The following EYS variants were observed in gnomAD, a reference collection of about 807,000 sequenced individuals.
The protein encoded by EYS is EGF-like photoreceptor maintenance factor, also known as protein eyes shut homolog.
Under a neutral mutation model 282.1 loss-of-function variants are expected in EYS, and 250 were observed. That is an observed-to-expected ratio of 0.89 (90% CI 0.80 to 0.98). The LOEUF (loss-of-function observed/expected upper bound fraction) is 0.98, where lower values mean the gene tolerates loss of function less well. EYS is among the 50% of genes least tolerant of loss of function. The pLI is 0.00. For missense variants in EYS, 4,016 were observed against 3,709.0 expected, an observed-to-expected ratio of 1.08 and a Z score of -2.15; for synonymous variants, 1,355 against 1,282.9, an observed-to-expected ratio of 1.06 and a Z score of -1.20.
intron 31 of EYS, among the ~76,000 whole-genome samples, chr6:64,229,110 A>T (rs909761284): frequency 6.6e-6 from 1 of 152,138 alleles, no homozygotes; most frequent in African/African-American, 2.4e-5. Context: ...TCCTGTCTCT[A>T]CTAAAAATAC....
At chr6:64,079,640 G>A (rs1434621116) in intron 32 of EYS, among the ~76,000 whole-genome samples, 1 of 151,994 alleles carries the variant, frequency 6.6e-6, no homozygotes, top group Non-Finnish European at 1.5e-5. Context: ...TGTTACATAT[G>A]TATACATGTG....
intron 12 of EYS, among the ~76,000 whole-genome samples, chr6:65,254,863 T>C (rs911251642): frequency 2.0e-5 from 3 of 151,936 alleles, no homozygotes; most frequent in Non-Finnish European, 2.9e-5. Flanking sequence ...AGTATTAATA[T>C]GGCTCCATTT....
intron 30 of EYS, among the ~76,000 whole-genome samples, chr6:64,255,454 C>A (rs1645292201): frequency 6.6e-6 from 1 of 151,912 alleles, no homozygotes; most frequent in South Asian, 2.1e-4. Context: ...TTGTAAATAT[C>A]ATGAGCTACT....
chr6:65,000,026 T>C (rs991177051), intron 13 of EYS, among the ~76,000 whole-genome samples: 2 of 152,180 alleles, frequency 1.3e-5, no homozygotes, highest in Non-Finnish European at 2.9e-5. Context: ...GAGGGTCTAA[T>C]TGAGCTGGTT....
chr6:64,119,915 CT>C (rs1773519650), intron 31 of EYS, among the ~76,000 whole-genome samples: 1 of 152,110 alleles, frequency 6.6e-6, no homozygotes, highest in Admixed American at 6.5e-5. Flanking sequence ...CCATGATTAA[CT>C]TTTTTATGTT....
intron 26 of EYS, among the ~76,000 whole-genome samples, chr6:64,533,448 T>C (rs1346787614): frequency 1.3e-5 from 2 of 151,798 alleles, no homozygotes; most frequent in Non-Finnish European, 2.9e-5. Flanking sequence ...CCAGAAAAAA[T>C]AAAAGCAGCA....
At chr6:65,475,861 T>A (rs1261318378) in intron 5 of EYS, among the ~76,000 whole-genome samples, 1 of 152,062 alleles carries the variant, frequency 6.6e-6, no homozygotes. Flanking sequence ...ATTTATTCCA[T>A]TTTTAAAATC....
Position 64,886,681 on chromosome 6 carries a change from A to T in EYS, c.2992+16T>A, listed in dbSNP as rs1444239296. The T allele has an allele frequency of 1.3e-6, 2 of 1,529,980 alleles. No individual in the cohort carries two copies. The highest frequency in any genetic ancestry group is 8.8e-7 in the Non-Finnish European group (1 of 1,137,498). 94.8% of individuals were successfully genotyped at this position (1,529,980 alleles called of 1,614,324 possible). On this transcript the variant is annotated intron_variant, in intron 19 of 42. Transcript: ENST00000503581. ...ACAGAAATATGTTGCTGCACATGGG[A>T]CAGATATGGATTTACCTGTATAACC...
intron 2 of EYS, among the ~76,000 whole-genome samples, chr6:65,628,643 A>T (rs928019120): frequency 2.6e-5 from 4 of 151,964 alleles, no homozygotes; most frequent in Non-Finnish European, 4.4e-5. Flanking sequence ...ACAACTCCAG[A>T]CGCGCTACCT....
intron 30 of EYS, among the ~76,000 whole-genome samples, chr6:64,289,397 G>T (rs1390273046): frequency 1.3e-5 from 2 of 151,912 alleles, no homozygotes; most frequent in Non-Finnish European, 2.9e-5. Flanking sequence ...GCTTCGTTTT[G>T]TTGTATCCCA....
chr6:63,788,979 C>T, intron 38 of EYS, 79 bp downstream of exon 38: 1 of 1,416,000 alleles, frequency 7.1e-7, no homozygotes, highest in Non-Finnish European at 9.6e-7. Flanking sequence ...ATGGGCTATT[C>T]ACCTCTGTAT....
chr6:64,318,026 CA>C (rs201455516), intron 29 of EYS, among the ~76,000 whole-genome samples: 4,724 of 151,862 alleles, frequency 0.031, 230 homozygotes, highest in African/African-American at 0.11. Context: ...CAGGGCTTGT[CA>C]GGGGGTGGGG....
At chr6:63,726,941 G>T (rs1157542173) in intron 41 of EYS, among the ~76,000 whole-genome samples, 1 of 152,102 alleles carries the variant, frequency 6.6e-6, no homozygotes, top group Admixed American at 6.6e-5. Context: ...GATACTATCT[G>T]ACACAAATCT....
intron 9 of EYS, among the ~76,000 whole-genome samples, chr6:65,347,860 C>G (rs1328776519): frequency 6.6e-6 from 1 of 151,306 alleles, no homozygotes; most frequent in Non-Finnish European, 1.5e-5. Flanking sequence ...CATTATCTAT[C>G]CCCACTTCCA....
chr6:64,013,818 TA>T (rs550624752), intron 33 of EYS, among the ~76,000 whole-genome samples: 16 of 150,184 alleles, frequency 1.1e-4, no homozygotes, highest in Admixed American at 7.3e-4. Context: ...GAGATTTCAG[TA>T]AAAAAAAAAT....
At chr6:65,325,870 G>GT (rs1769604509) in intron 11 of EYS, among the ~76,000 whole-genome samples, 1 of 152,104 alleles carries the variant, frequency 6.6e-6, no homozygotes, top group African/African-American at 2.4e-5. Context: ...TGGCTAAACT[G>GT]TAAGAGGCCT....
chr6:65,552,188 T>G (rs1254032001), intron 2 of EYS, among the ~76,000 whole-genome samples: 2 of 152,220 alleles, frequency 1.3e-5, no homozygotes, highest in Admixed American at 6.5e-5. Flanking sequence ...ATTCCAGACT[T>G]ACCTCTTATC....
chr6:65,540,608 C>A, intron 2 of EYS, among the ~76,000 whole-genome samples: 1 of 152,050 alleles, frequency 6.6e-6, no homozygotes, highest in East Asian at 1.9e-4. Flanking sequence ...TAGTAGGAAG[C>A]AATATTCTTT....
At chr6:64,947,132 C>A (rs987144388) in intron 14 of EYS, among the ~76,000 whole-genome samples, 1 of 151,646 alleles carries the variant, frequency 6.6e-6, no homozygotes, top group Non-Finnish European at 1.5e-5. Context: ...GATCTAGCAC[C>A]CTATGTTTAA....
Sources: allele counts gnomAD v4.1 joint callset (sites outside exome capture counted in the v4.1 genomes callset), GRCh38; gene constraint gnomAD v4.1.1; transcripts MANE v1.5; gene names NCBI Gene and HGNC (gene_info 2026-07-23, HGNC 2026-07-21).